The following MID2 variants were observed in gnomAD, a reference collection of about 807,000 sequenced individuals.
MID2 encodes the protein probable E3 ubiquitin-protein ligase MID2.
In MID2, 13 loss-of-function variants were observed where a neutral mutation model predicts 46.1. The ratio of observed to expected loss-of-function variants is 0.28; its 90% CI spans 0.18 to 0.45. MID2 has a LOEUF of 0.45. MID2 is among the 20% of genes least tolerant of loss of function. The pLI is 1.00. For synonymous variants in MID2, 199 were observed against 212.3 expected, an observed-to-expected ratio of 0.94 and a Z score of 0.55; for missense variants, 431 against 575.4, an observed-to-expected ratio of 0.75 and a Z score of 2.57.
At chrX:107,839,978 G>C (rs758769071) in intron 1 of MID2, among the ~76,000 whole-genome samples, 1 of 112,221 alleles carries the variant, frequency 8.9e-6, no homozygotes, top group Admixed American at 9.4e-5. Context: ...GTTTCTGAAG[G>C]TGAGGGAAGA....
intron 5 of MID2, among the ~76,000 whole-genome samples, chrX:107,913,114 G>C (rs1221426415): frequency 9.0e-6 from 1 of 110,976 alleles, no homozygotes; most frequent in Non-Finnish European, 1.9e-5. Context: ...TTAACCTTTG[G>C]TCCATCATTA....
intron 3 of MID2, among the ~76,000 whole-genome samples, chrX:107,872,407 G>A (rs770257125): frequency 8.9e-6 from 1 of 112,397 alleles, no homozygotes; most frequent in South Asian, 3.7e-4. Flanking sequence ...AGCACAGAAT[G>A]GAGGTAAAAA....
intron 3 of MID2, among the ~76,000 whole-genome samples, chrX:107,889,069 T>C (rs1380304215): frequency 9.0e-6 from 1 of 111,466 alleles, no homozygotes; most frequent in Admixed American, 9.5e-5. Flanking sequence ...CTTGACTCTT[T>C]ATCCAATTTG....
At chrX:107,908,169 C>A (rs964217617) in intron 5 of MID2, among the ~76,000 whole-genome samples, 1 of 112,193 alleles carries the variant, frequency 8.9e-6, no homozygotes, top group African/African-American at 3.2e-5. Flanking sequence ...CCTTACATTT[C>A]TAAATAACAT....
chrX:107,886,431 G>A (rs1167185920), intron 3 of MID2, among the ~76,000 whole-genome samples: 5 of 112,015 alleles, frequency 4.5e-5, no homozygotes, highest in Non-Finnish European at 9.4e-5. Context: ...TCAGACAGTT[G>A]TAGATATGCG....
In MID2 at chrX:107,929,114, G is replaced by A. The variant is rs1172936499; in HGVS notation, c.*2041G>A. 9.0e-6 allele frequency among the ~76,000 whole-genome samples: 1 copy of A among 111,581 alleles called. No individual in the cohort carries two copies. The highest frequency in any genetic ancestry group is 3.7e-4 in the South Asian group (1 of 2,672). ...TCAAAGGTTAAAAAAGATAGCATAT[G>A]TAAACTGTCTTAGCTCAGCGCTTGA... On this transcript the variant is annotated 3_prime_UTR_variant, in exon 10 of 10. Transcript: ENST00000262843.
chrX:107,890,168 C>T (rs1311897396), intron 3 of MID2, among the ~76,000 whole-genome samples: 1 of 112,452 alleles, frequency 8.9e-6, no homozygotes, highest in African/African-American at 3.2e-5. Flanking sequence ...TGAGGAGCTG[C>T]GTTCCTTTGG....
At chrX:107,910,824 TTTCCTTTCCTTTCC>T (rs1195447075) in intron 5 of MID2, among the ~76,000 whole-genome samples, 4 of 44,371 alleles carry the variant, frequency 9.0e-5, no homozygotes, top group African/African-American at 8.6e-4. Flanking sequence ...TTTCCTTTCC[TTTCCTTTCCTTTCC>T]CTCTCTCTTT....
chrX:107,826,389 C>T lies in MID2; in HGVS notation c.-38C>T. 8.8e-7 allele frequency: 1 copy of T among 1,132,201 alleles called. No individual in the cohort carries two copies. The highest frequency in any genetic ancestry group is 2.0e-5 in the South Asian group (1 of 50,121). 93.3% of individuals were successfully genotyped at this position (1,132,201 alleles called of 1,213,427 possible). ...GAGGCAGACGAGAGCCCAGCGCCCT[C>T]GAGCGAGCGGAGGAGATGGCTGGCA... On this transcript the variant is annotated 5_prime_UTR_variant, in exon 1 of 10. Coordinates refer to ENST00000262843, the MANE Select transcript of MID2 (RefSeq NM_012216.4).
At position 107,919,571 on chromosome X, in the gene MID2, A is replaced by G. The variant is rs2300099; in HGVS notation, c.1435+1832A>G. Among the ~76,000 whole-genome samples the G allele has an allele frequency of 1.5e-4, 17 of 111,774 alleles. No individual in the cohort carries two copies. In the East Asian group the frequency reaches 4.5e-3, roughly 29 times the overall value. On this transcript the variant is annotated intron_variant, in intron 7 of 9. Transcript: ENST00000262843. ...AGGCTAGGCATCTTCCTTTCTTTCA[A>G]TTGCTCTTCATATGGCATAGTTTCA...
chrX:107,843,510 A>T (rs1475540226), intron 2 of MID2, among the ~76,000 whole-genome samples: 1 of 111,814 alleles, frequency 8.9e-6, no homozygotes, highest in Non-Finnish European at 1.9e-5. Context: ...ATATTTTAGG[A>T]AATGTGCAGA....
intron 3 of MID2, among the ~76,000 whole-genome samples, chrX:107,865,099 A>G (rs193089752): frequency 8.9e-6 from 1 of 112,370 alleles, no homozygotes; most frequent in East Asian, 2.8e-4. Flanking sequence ...TGGCAAATTA[A>G]GAGTTTGCAT....
intron 5 of MID2, among the ~76,000 whole-genome samples, chrX:107,909,192 G>A (rs1288182471): frequency 6.3e-5 from 7 of 111,806 alleles, no homozygotes; most frequent in Non-Finnish European, 9.4e-5. Flanking sequence ...TTGGTTTTCA[G>A]ATTTGATAGG....
At chrX:107,871,103 G>A (rs370804176) in intron 3 of MID2, among the ~76,000 whole-genome samples, 1 of 110,866 alleles carries the variant, frequency 9.0e-6, no homozygotes, top group Non-Finnish European at 1.9e-5. Flanking sequence ...ACTGTATCCC[G>A]TATATTTTGG....
chrX:107,888,551 T>A (rs1183406296), intron 3 of MID2, among the ~76,000 whole-genome samples: 1 of 111,953 alleles, frequency 8.9e-6, no homozygotes, highest in Non-Finnish European at 1.9e-5. Flanking sequence ...TGGTCAATTT[T>A]GGAATAGGTG....
At chrX:107,833,433 T>A (rs7882634) in intron 1 of MID2, among the ~76,000 whole-genome samples, 16 of 105,417 alleles carry the variant, frequency 1.5e-4, no homozygotes, top group African/African-American at 5.9e-4. Flanking sequence ...ATATATATTT[T>A]TTTTAAAAAC....
chrX:107,922,226 A>G (rs1383030995), intron 7 of MID2, among the ~76,000 whole-genome samples: 2 of 111,550 alleles, frequency 1.8e-5, no homozygotes, highest in African/African-American at 6.5e-5. Context: ...GGCTCCCAAC[A>G]TCAACACATG....
At chrX:107,871,741 C>T (rs755412913) in intron 3 of MID2, among the ~76,000 whole-genome samples, 9 of 110,886 alleles carry the variant, frequency 8.1e-5, no homozygotes, top group East Asian at 2.8e-4. Context: ...GACTCCTCTT[C>T]GAAGCAACAC....
chrX:107,829,359 A>G (rs1355162857), intron 1 of MID2, among the ~76,000 whole-genome samples: 1 of 112,234 alleles, frequency 8.9e-6, no homozygotes, highest in Non-Finnish European at 1.9e-5. Flanking sequence ...GAATGAAAAC[A>G]TACATGCAAC....
Sources: gnomAD v4.1 joint callset for allele counts (sites outside exome capture counted in the v4.1 genomes callset) on GRCh38, gnomAD v4.1.1 for gene constraint, MANE v1.5 for transcripts, NCBI Gene and HGNC (gene_info 2026-07-23, HGNC 2026-07-21) for gene names.